Variants in TGFB2 observed in about 807,000 individuals in gnomAD.
The protein encoded by TGFB2 is transforming growth factor beta 2.
Under a neutral mutation model 42.7 loss-of-function variants are expected in TGFB2, and 13 were observed. The ratio of observed to expected loss-of-function variants is 0.30; its 90% CI spans 0.20 to 0.48. The LOEUF is 0.48. Ranked by LOEUF, TGFB2 falls within the 20% of genes least tolerant of loss-of-function variation. The pLI, the probability that TGFB2 is intolerant of heterozygous loss-of-function variation, is 0.99. For synonymous variants in TGFB2, 193 were observed against 193.6 expected (o/e 1.00, Z 0.03); for missense variants, 390 against 517.5 (o/e 0.75, Z 2.39).
intron 1 of TGFB2, among the ~76,000 whole-genome samples, chr1:218,362,505 C>A (rs1218012398): frequency 6.6e-6 from 1 of 152,194 alleles, no homozygotes; most frequent in Non-Finnish European, 1.5e-5. Context: ...ACAGACTTCT[C>A]CATGGATTCA....
At chr1:218,428,587 T>C (rs928958169) in intron 2 of TGFB2, among the ~76,000 whole-genome samples, 1 of 152,222 alleles carries the variant, frequency 6.6e-6, no homozygotes, top group African/African-American at 2.4e-5. Context: ...ATTTATTAAA[T>C]AGGGAATCCT....
At chr1:218,364,107 G>T (rs1490146296) in intron 1 of TGFB2, among the ~76,000 whole-genome samples, 2 of 152,190 alleles carry the variant, frequency 1.3e-5, no homozygotes, top group African/African-American at 4.8e-5. Flanking sequence ...AAGATTGGAC[G>T]CCCCTGCTCT....
chr1:218,379,178 G>C (rs963390002), intron 1 of TGFB2, among the ~76,000 whole-genome samples: 5 of 145,354 alleles, frequency 3.4e-5, no homozygotes, highest in Non-Finnish European at 4.5e-5. Context: ...TGTCACCCAG[G>C]CTGGAGTGCA....
At chr1:218,409,775 G>C (rs1450612969) in intron 2 of TGFB2, among the ~76,000 whole-genome samples, 1 of 152,146 alleles carries the variant, frequency 6.6e-6, no homozygotes, top group African/African-American at 2.4e-5. Context: ...TTTGATTACT[G>C]TACTACTTGA....
chr1:218,426,260 C>T (rs1282808614), intron 2 of TGFB2, among the ~76,000 whole-genome samples: 4 of 152,158 alleles, frequency 2.6e-5, no homozygotes, highest in Admixed American at 2.0e-4. Flanking sequence ...GTCTCATAGA[C>T]GTGTAAGAGA....
intron 5 of TGFB2, 58 bp from the exon 6 acceptor site, chr1:218,437,285 G>C: frequency 6.7e-7 from 1 of 1,498,444 alleles, no homozygotes; most frequent in Non-Finnish European, 8.9e-7. Flanking sequence ...TGGTGGTAGA[G>C]TGAGGGTGGT....
chr1:218,408,844 C>A (rs1002404926), intron 2 of TGFB2, among the ~76,000 whole-genome samples: 1 of 152,108 alleles, frequency 6.6e-6, no homozygotes, highest in Non-Finnish European at 1.5e-5. Context: ...TTCCACAGAG[C>A]ATTACTTTTA....
At chr1:218,414,858 A>T (rs1002345642) in intron 2 of TGFB2, among the ~76,000 whole-genome samples, 6 of 152,350 alleles carry the variant, frequency 3.9e-5, no homozygotes, top group African/African-American at 1.4e-4. Context: ...CAAGTGAGGA[A>T]ACTAGGATAC....
At chr1:218,396,185 TA>T (rs1203437782) in intron 1 of TGFB2, among the ~76,000 whole-genome samples, 1 of 152,134 alleles carries the variant, frequency 6.6e-6, no homozygotes, top group Non-Finnish European at 1.5e-5. Flanking sequence ...AACTTGAGTG[TA>T]AAAAAGAATT....
At chr1:218,360,189 AAGGCGGCC>A (rs1234774808) in intron 1 of TGFB2, among the ~76,000 whole-genome samples, 13 of 152,192 alleles carry the variant, frequency 8.5e-5, no homozygotes, top group African/African-American at 2.4e-4. Context: ...GCATCTTGAT[AAGGCGGCC>A]AGGTGATCCT....
intron 1 of TGFB2, among the ~76,000 whole-genome samples, chr1:218,392,063 C>T (rs1171072297): frequency 6.6e-6 from 1 of 152,164 alleles, no homozygotes; most frequent in East Asian, 1.9e-4. Context: ...CAAAAACTGG[C>T]TTGATCGGCC....
intron 1 of TGFB2, among the ~76,000 whole-genome samples, chr1:218,392,674 G>A (rs980739729): frequency 3.3e-5 from 5 of 152,200 alleles, no homozygotes; most frequent in African/African-American, 1.2e-4. Flanking sequence ...GTAGGTGCCA[G>A]GCAACCCCTT....
intron 1 of TGFB2, among the ~76,000 whole-genome samples, chr1:218,404,495 A>C (rs1049833218): frequency 1.3e-5 from 2 of 152,178 alleles, no homozygotes; most frequent in African/African-American, 4.8e-5. Context: ...AATTTGTGCC[A>C]ATTCTTTTTC....
At chr1:218,368,206 G>A (rs543511472) in intron 1 of TGFB2, among the ~76,000 whole-genome samples, 64 of 151,918 alleles carry the variant, frequency 4.2e-4, no homozygotes, top group African/African-American at 1.4e-3. Flanking sequence ...GTACAGCAGC[G>A]TGATCTCGGC....
chr1:218,441,912 T>G lies in TGFB2; in HGVS notation c.*550T>G, dbSNP rs1660166264. On this transcript the variant is annotated 3_prime_UTR_variant, in exon 7 of 7. Coordinates refer to ENST00000366930, the MANE Select transcript of TGFB2 (RefSeq NM_003238.6). ...GGTGTATAAAGTGGAGACCAAATAC[T>G]TTGCCAGAAACTCATGGATGGCTTA... The G allele has an allele frequency of 6.6e-6, 1 of 152,128 alleles. No homozygotes were observed. The highest frequency in any genetic ancestry group is 1.9e-4 in the East Asian group (1 of 5,194). 9.4% of individuals were successfully genotyped at this position (152,128 alleles called of 1,614,324 possible). A position where few individuals can be genotyped will look rare whatever the true frequency, so the allele number is the denominator to read the frequency against.
intron 6 of TGFB2, among the ~76,000 whole-genome samples, chr1:218,438,114 C>G (rs941963018): frequency 6.6e-6 from 1 of 152,158 alleles, no homozygotes; most frequent in African/African-American, 2.4e-5. Flanking sequence ...ACCTATTAAT[C>G]AACTTCTCTT....
At chr1:218,409,144 G>T (rs1269433692) in intron 2 of TGFB2, among the ~76,000 whole-genome samples, 1 of 152,210 alleles carries the variant, frequency 6.6e-6, no homozygotes, top group African/African-American at 2.4e-5. Context: ...ATGGGGAGTG[G>T]CTGTAAACAC....
At chr1:218,431,618 T>A (rs543794246) in intron 2 of TGFB2, among the ~76,000 whole-genome samples, 49 of 152,342 alleles carry the variant, frequency 3.2e-4, no homozygotes, top group Admixed American at 1.6e-3. Flanking sequence ...GCTATGTGAA[T>A]AAGATAATAC....
intron 4 of TGFB2, among the ~76,000 whole-genome samples, chr1:218,435,034 A>C (rs1473403945): frequency 1.3e-5 from 2 of 152,186 alleles, no homozygotes. Flanking sequence ...AGTTGGACAA[A>C]AGTCATGGAG....
Sources: gnomAD v4.1 joint callset for allele counts (sites outside exome capture counted in the v4.1 genomes callset) on GRCh38, gnomAD v4.1.1 for gene constraint, MANE v1.5 for transcripts, NCBI Gene and HGNC (gene_info 2026-07-23, HGNC 2026-07-21) for gene names.